The following STXBP5L variants were observed in gnomAD, a reference collection of about 807,000 sequenced individuals.
STXBP5L encodes the protein syntaxin-binding protein 5-like.
In STXBP5L, 65 loss-of-function variants were observed where a neutral mutation model predicts 144.5. The observed-to-expected ratio is 0.45, with a 90% CI of 0.37 to 0.55. The LOEUF (loss-of-function observed/expected upper bound fraction) is 0.55. STXBP5L is among the 20% of genes least tolerant of loss of function. The pLI is 0.00. For synonymous variants in STXBP5L, 505 were observed against 469.6 expected, an observed-to-expected ratio of 1.08 and a Z score of -0.97; for missense variants, 1,298 against 1,405.5, an observed-to-expected ratio of 0.92 and a Z score of 1.22.
chr3:121,172,135 C>A (rs1045926234), intron 9 of STXBP5L, among the ~76,000 whole-genome samples: 2 of 152,130 alleles, frequency 1.3e-5, no homozygotes, highest in Non-Finnish European at 2.9e-5. Flanking sequence ...CTAGCCATAT[C>A]CAGCTAACTG....
intron 19 of STXBP5L, among the ~76,000 whole-genome samples, chr3:121,283,759 ATCC>A (rs1469281143): frequency 6.6e-6 from 1 of 151,850 alleles, no homozygotes; most frequent in Non-Finnish European, 1.5e-5. Context: ...TTTCATACCC[ATCC>A]TCTGCACCAC....
intron 5 of STXBP5L, among the ~76,000 whole-genome samples, chr3:121,089,871 C>G (rs549370827): frequency 2.1e-4 from 32 of 152,040 alleles, no homozygotes; most frequent in Non-Finnish European, 3.7e-4. Context: ...AGCTTATCCA[C>G]AGAATTTTAA....
chr3:120,967,845 ACT>A (rs1939785534), intron 3 of STXBP5L, among the ~76,000 whole-genome samples: 1 of 152,130 alleles, frequency 6.6e-6, no homozygotes. Context: ...TTTCTTTTAA[ACT>A]TCTTCATTAA....
chr3:121,170,355 C>T (rs1414950864), intron 9 of STXBP5L, among the ~76,000 whole-genome samples: 1 of 151,882 alleles, frequency 6.6e-6, no homozygotes, highest in East Asian at 1.9e-4. Context: ...CAGAGCAGAA[C>T]TGAAGGAGAC....
At chr3:120,968,552 A>G (rs923746476) in intron 3 of STXBP5L, among the ~76,000 whole-genome samples, 1 of 152,148 alleles carries the variant, frequency 6.6e-6, no homozygotes, top group African/African-American at 2.4e-5. Context: ...AAATCCATTC[A>G]GCCACCCTGC....
chr3:121,397,470 C>A (rs973518431), intron 22 of STXBP5L, among the ~76,000 whole-genome samples: 1 of 152,158 alleles, frequency 6.6e-6, no homozygotes, highest in African/African-American at 2.4e-5. Flanking sequence ...CTTTACTTAG[C>A]GGCCATTGTT....
chr3:120,978,181 C>T (rs1396137878), intron 3 of STXBP5L, among the ~76,000 whole-genome samples: 2 of 152,194 alleles, frequency 1.3e-5, no homozygotes, highest in Admixed American at 6.5e-5. Flanking sequence ...TTCAGATACA[C>T]CAATCAGATG....
intron 2 of STXBP5L, among the ~76,000 whole-genome samples, chr3:120,927,652 A>G (rs983718192): frequency 2.0e-5 from 3 of 152,052 alleles, no homozygotes; most frequent in Non-Finnish European, 2.9e-5. Flanking sequence ...AGATATGGAA[A>G]TCTTATTCTC....
intron 22 of STXBP5L, among the ~76,000 whole-genome samples, chr3:121,390,262 A>G (rs1052238897): frequency 1.3e-5 from 2 of 151,750 alleles, no homozygotes; most frequent in Non-Finnish European, 2.9e-5. Flanking sequence ...CCATCCCTTT[A>G]CTTTGAGCCT....
At chr3:120,937,128 G>A (rs1710305934) in intron 2 of STXBP5L, among the ~76,000 whole-genome samples, 1 of 152,134 alleles carries the variant, frequency 6.6e-6, no homozygotes, top group Non-Finnish European at 1.5e-5. Context: ...GTTTGGTTAG[G>A]CTGTGTGTAA....
intron 19 of STXBP5L, among the ~76,000 whole-genome samples, chr3:121,307,914 A>G (rs1399476077): frequency 6.6e-6 from 1 of 152,214 alleles, no homozygotes; most frequent in Admixed American, 6.5e-5. Context: ...GGCAAAAAAC[A>G]AAAAGAAAAT....
chr3:121,216,738 A>C (rs2048790127), intron 10 of STXBP5L, among the ~76,000 whole-genome samples: 1 of 152,222 alleles, frequency 6.6e-6, no homozygotes, highest in Non-Finnish European at 1.5e-5. Context: ...TGCTCTCTTC[A>C]GAGTCAGCAG....
chr3:121,222,977 T>C (rs2049018556), intron 10 of STXBP5L, 26 bp from the exon 11 acceptor site: 2 of 1,577,006 alleles, frequency 1.3e-6, no homozygotes, highest in Non-Finnish European at 1.7e-6. Flanking sequence ...GACTTCTGAG[T>C]CTCATTCATG....
At chr3:121,188,657 C>T (rs145300750) in intron 9 of STXBP5L, among the ~76,000 whole-genome samples, 19,974 of 152,082 alleles carry the variant, frequency 0.13, 1,654 homozygotes, top group Admixed American at 0.25. Context: ...GTTCAACATA[C>T]GCAAATCAAT....
chr3:121,327,930 C>G (rs2044203626), intron 20 of STXBP5L, among the ~76,000 whole-genome samples: 1 of 152,130 alleles, frequency 6.6e-6, no homozygotes, highest in South Asian at 2.1e-4. Context: ...CTTTTGTGAG[C>G]TAAGACAGGC....
chr3:120,931,724 A>G (rs1311982290), intron 2 of STXBP5L, among the ~76,000 whole-genome samples: 1 of 152,194 alleles, frequency 6.6e-6, no homozygotes, highest in Non-Finnish European at 1.5e-5. Flanking sequence ...GCAACCAGAG[A>G]AGGAAACCAA....
rs749438410 is a variant in STXBP5L, at chr3:121,407,351, A to G, written c.2696A>G (p.Asp899Gly). The G allele has an allele frequency of 2.5e-6, 4 of 1,612,994 alleles. No homozygotes were observed. The highest frequency in any genetic ancestry group is 3.4e-6 in the Non-Finnish European group (4 of 1,179,326). ...GTTTGGAGGGATCCAAACAACATAG[A>G]TGAAAATGAAAAATCTTGGAGAAGG... Reference protein sequence around the residue: ...YEVWRDPNNIDENEKSWRRKV... With the variant: ...YEVWRDPNNIGENEKSWRRKV... The change falls in exon 23 of 27, where the codon GAT becomes GGT. Residue 899 changes from aspartate (D) to glycine (G), a missense_variant. Physicochemically the swap from Asp to Gly is moderately conservative, Grantham distance 94. Coordinates refer to ENST00000471454, the MANE Select transcript of STXBP5L (RefSeq NM_001308330.2).
chr3:121,056,403 T>G (rs1948463624), intron 5 of STXBP5L, among the ~76,000 whole-genome samples: 1 of 152,168 alleles, frequency 6.6e-6, no homozygotes, highest in Non-Finnish European at 1.5e-5. Context: ...TAATTTTTCT[T>G]ACTCTAGTGT....
intron 3 of STXBP5L, among the ~76,000 whole-genome samples, chr3:120,996,003 C>A (rs1250914297): frequency 1.3e-5 from 2 of 151,954 alleles, no homozygotes; most frequent in African/African-American, 4.8e-5. Context: ...ACTCTCATTC[C>A]TGAAGGATAT....
Sources: allele counts gnomAD v4.1 joint callset (sites outside exome capture counted in the v4.1 genomes callset), GRCh38; gene constraint gnomAD v4.1.1; transcripts MANE v1.5; gene names NCBI Gene and HGNC (gene_info 2026-07-23, HGNC 2026-07-21).